MYH15: variants seen among roughly 807,000 people sequenced by gnomAD.
MYH15 encodes myosin heavy chain 15.
Under a neutral mutation model 240.5 loss-of-function variants are expected in MYH15, and 227 were observed. The observed-to-expected ratio is 0.94, with a 90% CI of 0.85 to 1.05. The LOEUF (loss-of-function observed/expected upper bound fraction) is 1.05. Ranked by LOEUF, MYH15 falls within the 50% of genes least tolerant of loss-of-function variation. The probability of loss-of-function intolerance (pLI) is 0.00; values close to 1 mark genes in which losing one functional copy is unlikely to be tolerated. For missense variants in MYH15, 2,217 were observed against 2,247.5 expected (o/e 0.99, Z 0.27); for synonymous variants, 785 against 796.7 (o/e 0.99, Z 0.25).
At chr3:108,451,965 C>A in intron 21 of MYH15, among the ~76,000 whole-genome samples, 1 of 143,892 alleles carries the variant, frequency 6.9e-6, no homozygotes, top group African/African-American at 2.6e-5. Flanking sequence ...GAGGGAATGT[C>A]CTTCATATAA....
At position 108,505,832 on chromosome 3, in the gene MYH15, GT is replaced by G; in HGVS notation, c.89-4del. ...AGGAATCCAGCATTTCTTCTTCCCTGTAGAGCAAAAAAAAAAAAAAATGGAT... is the reference window on the plus strand; with the variant it reads ...AGGAATCCAGCATTTCTTCTTCCCTGAGAGCAAAAAAAAAAAAAAATGGAT... On this transcript the variant is annotated splice_polypyrimidine_tract_variant and splice_region_variant and intron_variant, in intron 1 of 40. Coordinates refer to ENST00000693548, the MANE Select transcript of MYH15 (RefSeq NM_014981.3). The G allele has an allele frequency of 1.3e-6, 2 of 1,515,186 alleles. No individual in the cohort carries two copies. The highest frequency in any genetic ancestry group is 4.0e-5 in the Admixed American group (2 of 50,260). 93.9% of individuals were successfully genotyped at this position (1,515,186 alleles called of 1,614,324 possible).
chr3:108,399,805 G>A (rs2107541431), intron 33 of MYH15, among the ~76,000 whole-genome samples: 1 of 152,322 alleles, frequency 6.6e-6, no homozygotes, highest in South Asian at 2.1e-4. Context: ...TTCTCTAGGA[G>A]TTTGAGAGTA....
At chr3:108,433,645 T>A (rs996684353) in intron 25 of MYH15, among the ~76,000 whole-genome samples, 1 of 152,206 alleles carries the variant, frequency 6.6e-6, no homozygotes, top group South Asian at 2.1e-4. Context: ...TGAGTAAGTC[T>A]CTTGAGATCT....
chr3:108,459,575 T>C, intron 17 of MYH15, 126 bp from the exon 18 acceptor site: 1 of 542,624 alleles, frequency 1.8e-6, no homozygotes, highest in Non-Finnish European at 3.2e-6. Context: ...AACAGTAAAA[T>C]AATGAATTCA....
At chr3:108,497,344 A>G (rs542665005) in intron 6 of MYH15, among the ~76,000 whole-genome samples, 8 of 152,220 alleles carry the variant, frequency 5.3e-5, no homozygotes, top group African/African-American at 1.9e-4. Flanking sequence ...TGAAAAAAGC[A>G]AAATAATCAT....
chr3:108,415,721 G>A (rs1306356695), intron 29 of MYH15, among the ~76,000 whole-genome samples: 1 of 152,166 alleles, frequency 6.6e-6, no homozygotes, highest in Non-Finnish European at 1.5e-5. Flanking sequence ...AACGGGAAGG[G>A]CAGTTATAAA....
In MYH15 at chr3:108,380,439, A is replaced by C. The variant is rs887429682; in HGVS notation, c.*1106T>G. On this transcript the variant is annotated 3_prime_UTR_variant, in exon 41 of 41. Transcript: ENST00000693548. ...GGGTGCTGGTGGAGAAGTCTAGGCC[A>C]GGCTGTTCCCTCTGCATCTGGTTCT... 1.3e-5 allele frequency: 2 copies of C among 152,430 alleles called. No homozygotes were observed. The highest frequency in any genetic ancestry group is 2.9e-5 in the Non-Finnish European group (2 of 68,208). The allele number at this position is 152,430 out of a possible 1,614,324, so 9.4% of individuals were successfully genotyped here. A position where few individuals can be genotyped will look rare whatever the true frequency, so the allele number is the denominator to read the frequency against.
At chr3:108,398,156 G>A (rs1163076442) in intron 35 of MYH15, among the ~76,000 whole-genome samples, 1 of 152,136 alleles carries the variant, frequency 6.6e-6, no homozygotes, top group African/African-American at 2.4e-5. Flanking sequence ...AATATGACTG[G>A]TACCCCTATA....
intron 33 of MYH15, among the ~76,000 whole-genome samples, chr3:108,404,601 T>A (rs2082532577): frequency 6.6e-6 from 1 of 152,218 alleles, no homozygotes; most frequent in African/African-American, 2.4e-5. Flanking sequence ...AGAAGTGGAA[T>A]GTCTAAAGTC....
chr3:108,389,278 A>C (rs956720489), intron 37 of MYH15, among the ~76,000 whole-genome samples: 1 of 152,202 alleles, frequency 6.6e-6, no homozygotes, highest in Non-Finnish European at 1.5e-5. Flanking sequence ...AACTATTTAG[A>C]CTGAAATATG....
chr3:108,541,864 C>G, the MYH15 span, among the ~76,000 whole-genome samples: 1 of 152,014 alleles, frequency 6.6e-6, no homozygotes, highest in African/African-American at 2.4e-5. Context: ...TCCTAAATAT[C>G]ACATAGTGAA....
At chr3:108,388,345 G>A (rs2082398804) in intron 38 of MYH15, among the ~76,000 whole-genome samples, 1 of 152,218 alleles carries the variant, frequency 6.6e-6, no homozygotes, top group Admixed American at 6.5e-5. Context: ...AAATGTAGAT[G>A]ATGATATTTT....
intron 30 of MYH15, among the ~76,000 whole-genome samples, 166 bp downstream of exon 30, chr3:108,414,066 T>C (rs1288813276): frequency 6.6e-6 from 1 of 152,150 alleles, no homozygotes; most frequent in East Asian, 1.9e-4. Context: ...CTCTACAGAG[T>C]GTGCTTCTTA....
At chr3:108,397,531 A>G (rs2082471036) in intron 35 of MYH15, among the ~76,000 whole-genome samples, 1 of 152,104 alleles carries the variant, frequency 6.6e-6, no homozygotes, top group Non-Finnish European at 1.5e-5. Context: ...TTTTTTTAGG[A>G]CAGTGGAGAC....
rs1377923600 is a variant in MYH15 at position 108,408,263 on chromosome 3, C to T, written c.4620+17G>A. 3.8e-6 allele frequency: 6 copies of T among 1,599,448 alleles called. No individual in the cohort carries two copies. Among genetic ancestry groups the T allele is most frequent in the Non-Finnish European group, 2.6e-6 (3 of 1,175,914 alleles). On this transcript the variant is annotated intron_variant, in intron 32 of 40. Transcript: ENST00000693548. The stretch of plus-strand genomic sequence containing the variant: ...CTTGTCACAGTGAAAACTTTCTTTT[C>T]TCCCTGGTGATAATACCTCTGTTTC...
intron 10 of MYH15, 38 bp downstream of exon 10, chr3:108,486,385 C>G: frequency 6.7e-7 from 1 of 1,500,812 alleles, no homozygotes; most frequent in Non-Finnish European, 9.3e-7. Flanking sequence ...TTCTCATTGC[C>G]ATTACCAGAT....
chr3:108,441,356 T>G (rs1393807991), intron 22 of MYH15, 96 bp from the exon 23 acceptor site: 2 of 1,389,162 alleles, frequency 1.4e-6, no homozygotes, highest in Admixed American at 3.7e-5. Context: ...GATAATTGCC[T>G]GCCCTCTGCC....
chr3:108,477,636 C>G (rs982825602), intron 11 of MYH15, among the ~76,000 whole-genome samples: 1 of 152,138 alleles, frequency 6.6e-6, no homozygotes, highest in East Asian at 1.9e-4. Flanking sequence ...GCCATGTAAT[C>G]TGATAATTAT....
At chr3:108,397,129 C>T (rs1560315201) in intron 35 of MYH15, among the ~76,000 whole-genome samples, 1 of 152,212 alleles carries the variant, frequency 6.6e-6, no homozygotes, top group Non-Finnish European at 1.5e-5. Flanking sequence ...AAATGCAAAT[C>T]TGATAACTTC....
Sources: allele counts gnomAD v4.1 joint callset (sites outside exome capture counted in the v4.1 genomes callset), GRCh38; gene constraint gnomAD v4.1.1; transcripts MANE v1.5; gene names NCBI Gene and HGNC (gene_info 2026-07-23, HGNC 2026-07-21).